Variants in NCKAP5 observed in about 807,000 individuals in gnomAD.
NCKAP5 encodes the protein NCK associated protein 5, also known as nck-associated protein 5.
In NCKAP5, 92 loss-of-function variants were observed where a neutral mutation model predicts 167.0. That is an observed-to-expected ratio of 0.55 (90% confidence interval 0.47 to 0.66). The LOEUF is 0.66. Ranked by LOEUF, NCKAP5 falls within the 30% of genes least tolerant of loss-of-function variation. The pLI, the probability that NCKAP5 is intolerant of heterozygous loss-of-function variation, is 0.00. For synonymous variants in NCKAP5, 891 were observed against 877.4 expected, an observed-to-expected ratio of 1.02 and a Z score of -0.27; for missense variants, 2,378 against 2,315.0, an observed-to-expected ratio of 1.03 and a Z score of -0.56.
At chr2:132,748,161 T>C (rs10177540) in intron 16 of NCKAP5, among the ~76,000 whole-genome samples, 30,077 of 152,210 alleles carry the variant, frequency 0.2, 3,561 homozygotes, top group Non-Finnish European at 0.28. Flanking sequence ...CAGGAGGTTT[T>C]AGTAGCTCCA....
chr2:133,272,155 G>C (rs761408261), intron 4 of NCKAP5, among the ~76,000 whole-genome samples: 1 of 151,696 alleles, frequency 6.6e-6, no homozygotes, highest in Non-Finnish European at 1.5e-5. Context: ...TATGTAGAAG[G>C]AGATTAATAA....
intron 3 of NCKAP5, chr2:133,391,520 G>C (rs975699298): frequency 6.6e-6 from 1 of 152,038 alleles, no homozygotes; most frequent in Non-Finnish European, 1.5e-5. Context: ...TGTCAAAATG[G>C]AATGTTTTAA....
chr2:133,360,265 G>A (rs970268241), intron 3 of NCKAP5, among the ~76,000 whole-genome samples: 1 of 152,152 alleles, frequency 6.6e-6, no homozygotes, highest in African/African-American at 2.4e-5. Flanking sequence ...CAGGAAAGTG[G>A]CATCCAGAGG....
In NCKAP5 at chr2:132,788,334, T is replaced by C. The variant is rs752844993; in HGVS notation, c.1092+1689A>G. On this transcript the variant is annotated intron_variant, in intron 13 of 19. Coordinates refer to ENST00000409261, the MANE Select transcript of NCKAP5 (RefSeq NM_207363.3). ...CTTGACTGGACAAGAATCTTATATA[T>C]ATATATTTTTCTAAAGGGTCTTAAT... Among the ~76,000 whole-genome samples the C allele has an allele frequency of 1.8e-4, 27 of 152,026 alleles. 1 individual carries two copies. Among genetic ancestry groups the C allele is most frequent in the Non-Finnish European group, 2.8e-4 (19 of 68,008 alleles).
At chr2:132,918,868 A>T (rs1695092044) in intron 8 of NCKAP5, among the ~76,000 whole-genome samples, 1 of 152,248 alleles carries the variant, frequency 6.6e-6, no homozygotes, top group Non-Finnish European at 1.5e-5. Flanking sequence ...AAGGCTTTTG[A>T]CAGTGAAAGG....
chr2:133,482,025 C>G (rs1680494167), intron 3 of NCKAP5, among the ~76,000 whole-genome samples: 1 of 152,122 alleles, frequency 6.6e-6, no homozygotes, highest in Non-Finnish European at 1.5e-5. Context: ...TCTTTCCACT[C>G]TTTACCTCCT....
chr2:133,666,464 C>T, the NCKAP5 span, among the ~76,000 whole-genome samples: 1 of 151,938 alleles, frequency 6.6e-6, no homozygotes, highest in East Asian at 1.9e-4. Flanking sequence ...TCCCGAAGTG[C>T]TGGGATTACA....
chr2:133,531,796 A>G (rs182528846), intron 2 of NCKAP5, among the ~76,000 whole-genome samples: 2 of 152,350 alleles, frequency 1.3e-5, no homozygotes, highest in Admixed American at 1.3e-4. Context: ...AGTTAAACAT[A>G]CTGAAAAGTA....
chr2:132,914,355 C>A (rs557751586), intron 8 of NCKAP5, among the ~76,000 whole-genome samples: 16 of 150,602 alleles, frequency 1.1e-4, no homozygotes, highest in Non-Finnish European at 1.8e-4. Context: ...TAAAATAATT[C>A]ATTGTATAGT....
At chr2:133,343,635 T>C (rs1367959011) in intron 3 of NCKAP5, among the ~76,000 whole-genome samples, 3 of 152,180 alleles carry the variant, frequency 2.0e-5, no homozygotes, top group African/African-American at 2.4e-5. Context: ...TACCACCCAA[T>C]ACATATTGAT....
chr2:133,447,896 G>T lies in NCKAP5; in HGVS notation c.69+69562C>A, dbSNP rs144612427. ...TTAGCCAGTCTATGTCCAGCTGGCTGAGACAGGGTGCCACATGTGGTACTT... is the reference window on the plus strand; with the variant it reads ...TTAGCCAGTCTATGTCCAGCTGGCTTAGACAGGGTGCCACATGTGGTACTT... On this transcript the variant is annotated intron_variant, in intron 3 of 19. Transcript: ENST00000409261. Among the ~76,000 whole-genome samples the T allele has an allele frequency of 1.7e-4, 26 of 152,302 alleles. No individual in the cohort carries two copies. The East Asian group carries it at 5.0e-3, about 29-fold the overall frequency.
chr2:132,733,476 C>G (rs982520916), intron 16 of NCKAP5, among the ~76,000 whole-genome samples: 2 of 152,174 alleles, frequency 1.3e-5, no homozygotes, highest in South Asian at 2.1e-4. Flanking sequence ...TTTAGCCTCT[C>G]GAGGTCTAAG....
At position 132,781,982 on chromosome 2, in the gene NCKAP5, G is replaced by A; in HGVS notation, c.4829C>T (p.Ala1610Val). ...CATGAAGGTGTCTTTCGTTGAACAT[G>A]CAACAGGGCTGTGTCTATTCCTTGG... Reference protein sequence around the residue: ...IEPRNRHSPVACSTKDTFMTE... With the variant: ...IEPRNRHSPVVCSTKDTFMTE... The change falls in exon 14 of 20, where the codon GCA (alanine) becomes GTA (valine). Residue 1610 changes from alanine to valine, a missense_variant. Coordinates refer to ENST00000409261, the MANE Select transcript of NCKAP5 (RefSeq NM_207363.3). 1.2e-6 allele frequency: 2 copies of A among 1,613,512 alleles called. No homozygotes were observed. Among genetic ancestry groups the A allele is most frequent in the Non-Finnish European group, 1.7e-6 (2 of 1,179,714 alleles).
chr2:133,637,309 A>G, the NCKAP5 span, among the ~76,000 whole-genome samples: 232 of 151,918 alleles, frequency 1.5e-3, 1 homozygote, highest in African/African-American at 5.4e-3. Flanking sequence ...CTCAGGGTGC[A>G]TGGCAGGAGC....
intron 7 of NCKAP5, among the ~76,000 whole-genome samples, chr2:132,977,948 C>A (rs774424627): frequency 6.6e-6 from 1 of 152,164 alleles, no homozygotes; most frequent in Non-Finnish European, 1.5e-5. Context: ...TTCTTTGTCA[C>A]ATAGTGGGAT....
At chr2:133,103,123 T>C (rs906383024) in intron 6 of NCKAP5, among the ~76,000 whole-genome samples, 2 of 152,218 alleles carry the variant, frequency 1.3e-5, no homozygotes, top group South Asian at 4.1e-4. Flanking sequence ...TCTCATTACA[T>C]ATTTTTACAT....
At chr2:132,713,038 A>G (rs1437424077) in intron 19 of NCKAP5, among the ~76,000 whole-genome samples, 1 of 152,190 alleles carries the variant, frequency 6.6e-6, no homozygotes, top group Non-Finnish European at 1.5e-5. Context: ...AGGATATATT[A>G]AGTGGGAGAA....
At chr2:132,723,308 C>T (rs1250723099) in intron 19 of NCKAP5, among the ~76,000 whole-genome samples, 4 of 151,852 alleles carry the variant, frequency 2.6e-5, no homozygotes, top group African/African-American at 7.3e-5. Flanking sequence ...GGACTACAGG[C>T]GCCTGTCACC....
At chr2:133,579,526 C>T in the NCKAP5 span, among the ~76,000 whole-genome samples, 7 of 152,250 alleles carry the variant, frequency 4.6e-5, no homozygotes, top group African/African-American at 1.7e-4. Context: ...CCTTCTTTTG[C>T]AGGGCAGGAG....
Sources: gnomAD v4.1 joint callset for allele counts (sites outside exome capture counted in the v4.1 genomes callset) on GRCh38, gnomAD v4.1.1 for gene constraint, MANE v1.5 for transcripts, NCBI Gene and HGNC (gene_info 2026-07-23, HGNC 2026-07-21) for gene names.